The following NFATC3 variants were observed in gnomAD, a reference collection of about 807,000 sequenced individuals.
NFATC3 encodes nuclear factor of activated T-cells, cytoplasmic 3.
Under a neutral mutation model 98.6 loss-of-function variants are expected in NFATC3, and 46 were observed. That is an observed-to-expected ratio of 0.47 (90% CI 0.37 to 0.60). NFATC3 has a LOEUF of 0.60. NFATC3 is among the 20% of genes least tolerant of loss of function. The pLI is 0.00. For missense variants in NFATC3, 1,256 were observed against 1,295.5 expected, an observed-to-expected ratio of 0.97 and a Z score of 0.47; for synonymous variants, 512 against 472.2, an observed-to-expected ratio of 1.08 and a Z score of -1.09.
intron 8 of NFATC3, chr16:68,189,169 A>G (rs1164912547): frequency 1.3e-5 from 2 of 152,166 alleles, no homozygotes; most frequent in African/African-American, 2.4e-5. Flanking sequence ...CACATTGATT[A>G]TGTCTATCCT....
At chr16:68,150,251 C>T (rs1308731625) in intron 3 of NFATC3, among the ~76,000 whole-genome samples, 3 of 151,986 alleles carry the variant, frequency 2.0e-5, no homozygotes, top group Non-Finnish European at 4.4e-5. Context: ...TTTTGTAATG[C>T]TACTTTATTA....
intron 9 of NFATC3, chr16:68,225,138 G>A (rs922320255): frequency 6.6e-6 from 1 of 152,068 alleles, no homozygotes; most frequent in African/African-American, 2.4e-5. Context: ...TTTTAGTAGA[G>A]ATGGTGTTTC....
At chr16:68,210,010 A>G (rs2041311925) in intron 9 of NFATC3, among the ~76,000 whole-genome samples, 1 of 151,650 alleles carries the variant, frequency 6.6e-6, no homozygotes, top group Admixed American at 6.6e-5. Context: ...TAAAAATACA[A>G]AAAATGGCCA....
At chr16:68,170,386 CAA>C (rs112305272) in intron 5 of NFATC3, among the ~76,000 whole-genome samples, 11 of 81,038 alleles carry the variant, frequency 1.4e-4, no homozygotes, top group Admixed American at 2.7e-4. Flanking sequence ...GATTCTGTCT[CAA>C]AAAAAAAAAA....
At chr16:68,188,252 C>G (rs1049900014) in intron 8 of NFATC3, among the ~76,000 whole-genome samples, 2 of 152,202 alleles carry the variant, frequency 1.3e-5, no homozygotes, top group East Asian at 1.9e-4. Context: ...GTCTCTCTTC[C>G]TAGGCAGAGA....
chr16:68,183,501 A>T, intron 8 of NFATC3, 135 bp downstream of exon 8: 2 of 886,224 alleles, frequency 2.3e-6, no homozygotes, highest in Non-Finnish European at 3.3e-6. Context: ...GCCCACTCTA[A>T]AGTTTTTGTT....
At chr16:68,147,057 A>G (rs1298643395) in intron 3 of NFATC3, among the ~76,000 whole-genome samples, 1 of 152,236 alleles carries the variant, frequency 6.6e-6, no homozygotes, top group African/African-American at 2.4e-5. Context: ...ATGTTGGTCA[A>G]AATATGTGTT....
In NFATC3 at chr16:68,095,214, T is replaced by TGA. The variant is rs533200132; in HGVS notation, c.103+9437_103+9438dup. On this transcript the variant is annotated intron_variant, in intron 1 of 9. Transcript: ENST00000346183. ...GGACTTAAAAAAAATTTTTTTTTTTTGAGAGAGAATCTCACTCTATTTCCC... is the reference window on the plus strand; with the variant it reads ...GGACTTAAAAAAAATTTTTTTTTTTTGAGAGAGAGAATCTCACTCTATTTCCC... Among the ~76,000 whole-genome samples, 823 of 152,116 alleles carry TGA rather than the reference T, an allele frequency of 5.4e-3. 5 individuals are homozygous for TGA. Among genetic ancestry groups the TGA allele is most frequent in the African/African-American group, 0.019 (789 of 41,468 alleles).
intron 4 of NFATC3, among the ~76,000 whole-genome samples, chr16:68,163,083 G>A (rs2038974690): frequency 6.6e-6 from 1 of 152,196 alleles, no homozygotes; most frequent in Non-Finnish European, 1.5e-5. Context: ...CAGATCAACA[G>A]AATGAGAATT....
At chr16:68,182,193 G>A (rs2039976856) in intron 7 of NFATC3, among the ~76,000 whole-genome samples, 1 of 152,144 alleles carries the variant, frequency 6.6e-6, no homozygotes, top group Admixed American at 6.5e-5. Flanking sequence ...CATATGTAGT[G>A]GGTAAAAGTT....
chr16:68,095,078 A>T (rs2034938423), intron 1 of NFATC3, among the ~76,000 whole-genome samples: 1 of 152,152 alleles, frequency 6.6e-6, no homozygotes, highest in South Asian at 2.1e-4. Context: ...AGAGGAGTGG[A>T]TAGAAGGATA....
In NFATC3 at chr16:68,112,527, C is replaced by T. The variant is rs372725948; in HGVS notation, c.104-9460C>T. Among the ~76,000 whole-genome samples, 92 of 151,880 alleles carry T rather than the reference C, an allele frequency of 6.1e-4. 1 individual carries two copies. Among genetic ancestry groups the T allele is most frequent in the African/African-American group, 1.9e-3 (79 of 41,460 alleles). Reference sequence around the variant, plus strand: ...TCCTGGTCTCGTGATCCACCCGCCTCGGCCTCCCAAAGTGCTGGGATTATA... The same window carrying T: ...TCCTGGTCTCGTGATCCACCCGCCTTGGCCTCCCAAAGTGCTGGGATTATA... On this transcript the variant is annotated intron_variant, in intron 1 of 9. Transcript: ENST00000346183.
intron 8 of NFATC3, among the ~76,000 whole-genome samples, chr16:68,188,843 G>A (rs766242351): frequency 6.6e-6 from 1 of 152,068 alleles, no homozygotes; most frequent in East Asian, 1.9e-4. Flanking sequence ...CAAGTAGCTG[G>A]GATTACAGGT....
intron 3 of NFATC3, among the ~76,000 whole-genome samples, chr16:68,139,835 A>C (rs1381213852): frequency 2.0e-5 from 3 of 152,174 alleles, no homozygotes; most frequent in African/African-American, 7.2e-5. Flanking sequence ...TTGTCCATTG[A>C]GACTTGCAAA....
intron 3 of NFATC3, among the ~76,000 whole-genome samples, chr16:68,142,102 AT>A (rs2151542484): frequency 6.6e-6 from 1 of 152,238 alleles, no homozygotes; most frequent in Admixed American, 6.5e-5. Context: ...TTTGTCAAAG[AT>A]CAGCTGGTTG....
In NFATC3 at chr16:68,214,319, T is replaced by C. The variant is rs1485422052; in HGVS notation, c.3107-12031T>C. ...TCCATTCAGTAGTGATGTTGTCTTC[T>C]TTGACACAGACCAATTTATATCTGA... On this transcript the variant is annotated intron_variant, in intron 9 of 9. Coordinates refer to ENST00000346183, the MANE Select transcript of NFATC3 (RefSeq NM_173165.3). 1.9e-6 allele frequency: 3 copies of C among 1,612,902 alleles called. No individual in the cohort carries two copies. In the African/African-American group the frequency reaches 4.0e-5, roughly 21 times the overall value.
chr16:68,171,181 T>G (rs2039442226), intron 5 of NFATC3, among the ~76,000 whole-genome samples: 2 of 151,796 alleles, frequency 1.3e-5, no homozygotes, highest in African/African-American at 4.8e-5. Context: ...CTAATTTTTG[T>G]ATTTTTCAAT....
chr16:68,214,531 C>T (rs766001904), intron 9 of NFATC3: 30 of 937,566 alleles, frequency 3.2e-5, no homozygotes, highest in Admixed American at 2.5e-4. Context: ...GGGGTATGCA[C>T]GGGCATTTTC....
chr16:68,210,558 G>T (rs965244241), intron 9 of NFATC3, among the ~76,000 whole-genome samples: 1 of 152,010 alleles, frequency 6.6e-6, no homozygotes, highest in Admixed American at 6.6e-5. Context: ...TAGAGGTAGG[G>T]TCTTGCCATG....
Sources: allele counts gnomAD v4.1 joint callset (sites outside exome capture counted in the v4.1 genomes callset), GRCh38; gene constraint gnomAD v4.1.1; transcripts MANE v1.5; gene names NCBI Gene and HGNC (gene_info 2026-07-23, HGNC 2026-07-21).